Variants in INTS11 observed in about 807,000 individuals in gnomAD.
The protein encoded by INTS11 is CPSF3-like protein.
INTS11 carries 77 observed loss-of-function variants against 78.6 expected under a neutral mutation model. The ratio of observed to expected loss-of-function variants is 0.98; its 90% confidence interval spans 0.81 to 1.18. The LOEUF is 1.18. Among genes scored for constraint, INTS11 ranks in the 50% most tolerant of loss-of-function variants. INTS11 has a pLI of 0.00. For synonymous variants in INTS11, 441 were observed against 326.9 expected (o/e 1.35, Z -3.77); for missense variants, 875 against 825.9 (o/e 1.06, Z -0.73).
chr1:1,321,207 G>A (rs961852471), intron 1 of INTS11, 114 bp from the exon 2 acceptor site: 1 of 772,878 alleles, frequency 1.3e-6, no homozygotes, highest in Admixed American at 2.3e-5. Context: ...CTGCTGTGTG[G>A]ACAGACACAT....
chr1:1,312,330 C>A lies in INTS11; in HGVS notation c.1503G>T (p.Glu501Asp), dbSNP rs1376248318. The A allele has an allele frequency of 6.4e-7, 1 of 1,557,872 alleles. No individual in the cohort carries two copies. The highest frequency in any genetic ancestry group is 8.7e-7 in the Non-Finnish European group (1 of 1,150,996). ...RLVSSEQALK[E>D]LGLAEHQLRF... is the part of the protein sequence containing the mutation. Reference sequence around the variant, plus strand: ...GCAGCTGGTGCTCAGCCAGACCCAGCTCTTTGAGGGCTTGCTCTGAGGACA... The same window carrying A: ...GCAGCTGGTGCTCAGCCAGACCCAGATCTTTGAGGGCTTGCTCTGAGGACA... Residue 501 changes from glutamate to aspartate, a missense_variant, in exon 15 of 17, where the codon GAG (glutamate) becomes GAT (aspartate). By Grantham distance (45) the Glu-to-Asp change is conservative. Transcript: ENST00000435064.
At chr1:1,321,912 C>T in intron 1 of INTS11, 4 of 1,352,706 alleles carry the variant, frequency 3.0e-6, no homozygotes, top group Non-Finnish European at 3.8e-6. Context: ...ACCCACCTCC[C>T]CCTGCCAGCC....
rs538795288 is a variant in INTS11, at chr1:1,319,535, G to A, written c.201-11C>T. On this transcript the variant is annotated splice_polypyrimidine_tract_variant and intron_variant, in intron 3 of 16. Coordinates refer to ENST00000435064, the MANE Select transcript of INTS11 (RefSeq NM_017871.6). ...TCCAGGTGGAAGTGGCTAGGGGGAC[G>A]CAGCACAGGTCAGCCTGGGCCCACC... 1.4e-5 allele frequency: 22 copies of A among 1,553,182 alleles called. No homozygotes were observed. The highest frequency in any genetic ancestry group is 4.9e-5 in the South Asian group (4 of 82,248).
rs145236053 is a variant in INTS11 at position 1,319,431 on chromosome 1, G to T, written c.294C>A (p.Ala98=). Residue 98 remains alanine, a synonymous_variant, in exon 4 of 17, where the codon GCC becomes GCA. Transcript: ENST00000435064. ...GPIYMTHPTQ[A]ICPILLEDYR... is the part of the protein sequence containing the mutation. ...AGTCCTCCAGCAAGATGGGGCAGAT[G>T]GCCTGGGTGGGGTGAGTCATGTAGA... is the stretch of plus-strand genomic sequence containing the variant. 6.2e-7 allele frequency: 1 copy of T among 1,613,106 alleles called. No homozygotes were observed. Among genetic ancestry groups the T allele is most frequent in the Admixed American group, 1.7e-5 (1 of 60,024 alleles).
intron 4 of INTS11, 189 bp from the exon 5 acceptor site, chr1:1,315,807 AGGGGCAGGGAGTGAGGGGGGCG>A (rs796922515): frequency 0.25 from 4,119 of 16,478 alleles, 279 homozygotes; most frequent in African/African-American, 0.44. Context: ...CGAGGGAGGC[AGGGGCAGGGAGTGAGGGGGGCG>A]GGGGCAGGGA....
intron 1 of INTS11, among the ~76,000 whole-genome samples, chr1:1,321,510 A>C (rs1321598140): frequency 6.6e-6 from 1 of 152,216 alleles, no homozygotes; most frequent in Non-Finnish European, 1.5e-5. Context: ...CACCTTCTCC[A>C]GGATCTTTCC....
intron 8 of INTS11, 52 bp from the exon 9 acceptor site, chr1:1,313,973 G>A (rs776979027): frequency 1.3e-6 from 2 of 1,570,614 alleles, no homozygotes; most frequent in South Asian, 1.1e-5. Flanking sequence ...GAATGCTGCA[G>A]GGCAGGACTC....
rs772203175 is a variant in INTS11 at position 1,314,876 on chromosome 1, C to T, written c.650G>A (p.Arg217Gln). The T allele has an allele frequency of 1.9e-6, 3 of 1,613,042 alleles. No homozygotes were observed. The highest frequency in any genetic ancestry group is 1.7e-4 in the Middle Eastern group (1 of 6,058). The change falls in exon 7 of 17, where the codon CGG becomes CAG. Residue 217 changes from arginine to glutamine, a missense_variant. Coordinates refer to ENST00000435064, the MANE Select transcript of INTS11 (RefSeq NM_017871.6). The surrounding 1 kb of genome is among the most constrained non-coding windows in gnomAD (Gnocchi z 4.2). ...GACTTTCTTCAGGAAGTCTCGCTCC[C>T]GGCAGCGCTTGGAGTCACGGATGGT... ...ATTIRDSKRC[R>Q]ERDFLKKVHE...
chr1:1,321,582 T>C (rs906616403), intron 1 of INTS11, among the ~76,000 whole-genome samples: 9 of 152,226 alleles, frequency 5.9e-5, no homozygotes, highest in Non-Finnish European at 1.3e-4. Context: ...GTGGTGCGGC[T>C]GTGGAGGGGC....
chr1:1,318,662 AT>A, intron 4 of INTS11: 4 of 452,000 alleles, frequency 8.8e-6, no homozygotes, highest in South Asian at 4.6e-5. Context: ...AAAAAAAAAA[AT>A]TAAAGTTTCA....
Position 1,320,476 on chromosome 1 carries a change from G to A in INTS11, c.180C>T (p.Phe60=). 1.2e-6 allele frequency: 2 copies of A among 1,613,948 alleles called. No homozygotes were observed. The highest frequency in any genetic ancestry group is 1.1e-5 in the South Asian group (1 of 91,088). The change falls in exon 3 of 17, where the codon TTC becomes TTT. Residue 60 remains phenylalanine (F), a synonymous_variant. Coordinates refer to ENST00000435064, the MANE Select transcript of INTS11 (RefSeq NM_017871.6). Reference sequence around the variant, plus strand: ...CCCACCTAATGATCACACAGTCCAGGAAGTCTGTTAGGCGGCCGTTCTGGG... The same window carrying A: ...CCCACCTAATGATCACACAGTCCAGAAAGTCTGTTAGGCGGCCGTTCTGGG... ...YITQNGRLTD[F]LDCVIISHFH...
In INTS11 at chr1:1,312,262, T is replaced by C. The variant is rs989738701; in HGVS notation, c.1571A>G (p.Gln524Arg). ...RVHLHDTRKEQETALRVYSHL... is the reference protein window; with the variant it reads ...RVHLHDTRKERETALRVYSHL... ...GCTGTAGACGCGCAATGCCGTCTCC[T>C]GCTCCTTGCGTGTGTCATGCAGGTG... Residue 524 changes from glutamine (Q) to arginine (R), a missense_variant, in exon 15 of 17, where the codon CAG becomes CGG. Transcript: ENST00000435064. 1.2e-5 allele frequency: 18 copies of C among 1,547,974 alleles called. No homozygotes were observed. The highest frequency in any genetic ancestry group is 8.7e-7 in the Non-Finnish European group (1 of 1,146,112).
Position 1,311,745 on chromosome 1 carries a change from AG to A in INTS11, c.*113del. On this transcript the variant is annotated 3_prime_UTR_variant, in exon 17 of 17. Transcript: ENST00000435064. Reference sequence around the variant, plus strand: ...CAGGTGACACAAGGCCTCTGTCCCCAGGGATGGGACCTGCAGGGTCTGTTCA... The same window carrying A: ...CAGGTGACACAAGGCCTCTGTCCCCAGGATGGGACCTGCAGGGTCTGTTCA... The A allele has an allele frequency of 9.0e-7, 1 of 1,106,336 alleles. No homozygotes were observed. Among genetic ancestry groups the A allele is most frequent in the Non-Finnish European group, 1.3e-6 (1 of 755,842 alleles). 68.5% of individuals were successfully genotyped at this position (1,106,336 alleles called of 1,614,324 possible).
intron 4 of INTS11, 121 bp downstream of exon 4, chr1:1,319,171 AGAGT>A: frequency 2.2e-6 from 2 of 898,104 alleles, no homozygotes; most frequent in East Asian, 4.8e-5. Context: ...GCTGGACGCA[AGAGT>A]GAGGTGGGGT....
Position 1,320,484 on chromosome 1 carries a change from T to G in INTS11, c.172A>C (p.Thr58Pro). ...FSYITQNGRL[T>P]DFLDCVIISH... is the part of the protein sequence containing the mutation. ...ATGATCACACAGTCCAGGAAGTCTG[T>G]TAGGCGGCCGTTCTGGGTGATGTAG... Residue 58 changes from threonine to proline, a missense_variant, in exon 3 of 17, where the codon ACA (threonine) becomes CCA (proline). By Grantham distance (38) the Thr-to-Pro change is conservative. Transcript: ENST00000435064. 1 of 1,613,900 alleles carries G rather than the reference T, an allele frequency of 6.2e-7. No individual in the cohort carries two copies. The highest frequency in any genetic ancestry group is 8.5e-7 in the Non-Finnish European group (1 of 1,179,932).
chr1:1,315,488 G>A (rs774600840), intron 5 of INTS11, 32 bp downstream of exon 5: 30 of 1,612,410 alleles, frequency 1.9e-5, no homozygotes, highest in Non-Finnish European at 2.5e-5. Context: ...CACCCCAGCA[G>A]CCCCTCCCAA....
At chr1:1,321,642 C>G (rs1017206361) in intron 1 of INTS11, among the ~76,000 whole-genome samples, 1 of 152,232 alleles carries the variant, frequency 6.6e-6, no homozygotes, top group African/African-American at 2.4e-5. Flanking sequence ...AGTGGTCCAG[C>G]AGTGGCCAGC....
rs1242065819 is a variant in INTS11, at chr1:1,318,501, C to G, written c.429+795G>C. On this transcript the variant is annotated intron_variant, in intron 4 of 16. Transcript: ENST00000435064. ...ACATACCCATCTCTACAAAAAATAC[C>G]AAAATAAATTAGCTGGGCGTATGGG... The G allele has an allele frequency of 1.1e-4, 19 of 170,552 alleles. No homozygotes were observed. In the East Asian group the frequency reaches 2.9e-3, roughly 26 times the overall value. The allele number at this position is 170,552 out of a possible 1,614,324, so 10.6% of individuals were successfully genotyped here. A position where few individuals can be genotyped will look rare whatever the true frequency, so the allele number is the denominator to read the frequency against.
chr1:1,312,291 G>A lies in INTS11; in HGVS notation c.1542C>T (p.Arg514=), dbSNP rs556901913. 51 of 1,550,540 alleles carry A rather than the reference G, an allele frequency of 3.3e-5. No homozygotes were observed. The highest frequency in any genetic ancestry group is 5.9e-5 in the Admixed American group (3 of 51,048). The change falls in exon 15 of 17, where the codon CGC becomes CGT. Residue 514 remains arginine, a synonymous_variant. Transcript: ENST00000435064. The part of the protein sequence containing the change: ...LAEHQLRFTC[R]VHLHDTRKEQ... ...CCTTGCGTGTGTCATGCAGGTGCACGCGGCAGGTGAAGCGCAGCTGGTGCT... is the reference window on the plus strand; with the variant it reads ...CCTTGCGTGTGTCATGCAGGTGCACACGGCAGGTGAAGCGCAGCTGGTGCT...
Sources: allele counts gnomAD v4.1 joint callset (sites outside exome capture counted in the v4.1 genomes callset), GRCh38; gene constraint gnomAD v4.1.1; non-coding constraint Gnocchi (gnomAD v3.1); transcripts MANE v1.5; gene names NCBI Gene and HGNC (gene_info 2026-07-23, HGNC 2026-07-21).